Variants in TAFA1 observed in about 807,000 individuals in gnomAD.
TAFA1 encodes the protein TAFA chemokine like family member 1, also known as chemokine-like protein TAFA-1.
Under a neutral mutation model 18.5 loss-of-function variants are expected in TAFA1, and 4 were observed. The observed-to-expected ratio is 0.22, with a 90% CI of 0.11 to 0.49. The LOEUF is 0.49. Ranked by LOEUF, TAFA1 falls within the 20% of genes least tolerant of loss-of-function variation. TAFA1 has a pLI of 0.98. For missense variants in TAFA1, 147 were observed against 169.0 expected (o/e 0.87, Z 0.72); for synonymous variants, 56 against 55.2 (o/e 1.01, Z -0.06).
chr3:68,134,853 A>G (rs7610115), intron 2 of TAFA1, among the ~76,000 whole-genome samples: 12,160 of 152,288 alleles, frequency 0.08, 566 homozygotes, highest in Middle Eastern at 0.12. Context: ...ACAATATGTA[A>G]GTTTCTGTTG....
intron 2 of TAFA1, among the ~76,000 whole-genome samples, chr3:68,202,553 T>C (rs958575330): frequency 8.6e-5 from 13 of 151,778 alleles, no homozygotes; most frequent in Non-Finnish European, 1.9e-4. Flanking sequence ...TATTTAGTGG[T>C]TATACTTCTT....
chr3:68,047,947 G>C (rs2064411688), intron 2 of TAFA1, among the ~76,000 whole-genome samples: 1 of 152,086 alleles, frequency 6.6e-6, no homozygotes, highest in South Asian at 2.1e-4. Flanking sequence ...TTGGCCACAT[G>C]CTTGTAAGGG....
intron 2 of TAFA1, among the ~76,000 whole-genome samples, chr3:68,072,166 A>T (rs942726865): frequency 8.5e-5 from 13 of 152,192 alleles, no homozygotes; most frequent in African/African-American, 3.1e-4. Flanking sequence ...TGGAGGATGT[A>T]ATCCTTGAAC....
At chr3:68,185,126 A>G (rs542651519) in intron 2 of TAFA1, among the ~76,000 whole-genome samples, 1 of 152,110 alleles carries the variant, frequency 6.6e-6, no homozygotes, top group East Asian at 1.9e-4. Context: ...CTAAGTGGAG[A>G]TGTGTAGCCA....
intron 2 of TAFA1, among the ~76,000 whole-genome samples, chr3:68,092,933 A>G (rs1261627095): frequency 6.6e-6 from 1 of 152,050 alleles, no homozygotes; most frequent in Non-Finnish European, 1.5e-5. Context: ...GCTGGGAAAA[A>G]CTTAATTTTA....
intron 2 of TAFA1, among the ~76,000 whole-genome samples, chr3:68,246,440 A>G (rs1405966013): frequency 6.6e-6 from 1 of 151,550 alleles, no homozygotes; most frequent in East Asian, 1.9e-4. Context: ...AATACAAAAA[A>G]TTAGCCGGGC....
chr3:68,005,961 T>C (rs1189243819), intron 1 of TAFA1, among the ~76,000 whole-genome samples: 1 of 152,168 alleles, frequency 6.6e-6, no homozygotes, highest in African/African-American at 2.4e-5. Flanking sequence ...CAACAAAAGC[T>C]ACAATGGAAT....
At chr3:68,478,835 A>G (rs1393243124) in intron 3 of TAFA1, among the ~76,000 whole-genome samples, 2 of 151,670 alleles carry the variant, frequency 1.3e-5, no homozygotes, top group Non-Finnish European at 2.9e-5. Context: ...ATTATTAAAG[A>G]CTCCAAAAAT....
chr3:68,505,324 C>G (rs1200718952), intron 3 of TAFA1, among the ~76,000 whole-genome samples: 1 of 152,158 alleles, frequency 6.6e-6, no homozygotes, highest in African/African-American at 2.4e-5. Flanking sequence ...TTCTCTTACA[C>G]TCACTGGCAT....
At chr3:68,081,914 C>T (rs76277866) in intron 2 of TAFA1, among the ~76,000 whole-genome samples, 5,983 of 152,280 alleles carry the variant, frequency 0.039, 175 homozygotes, top group East Asian at 0.1. Context: ...CTCCCAGCCT[C>T]GCTGCCACCT....
chr3:68,198,590 TA>T (rs900388233), intron 2 of TAFA1, among the ~76,000 whole-genome samples: 25 of 146,650 alleles, frequency 1.7e-4, no homozygotes, highest in African/African-American at 2.4e-4. Context: ...TAGTAATATC[TA>T]ATTTTTTTTT....
intron 2 of TAFA1, among the ~76,000 whole-genome samples, chr3:68,406,545 A>C (rs2070613621): frequency 6.6e-6 from 1 of 152,178 alleles, no homozygotes; most frequent in Non-Finnish European, 1.5e-5. Context: ...ATTGACATCC[A>C]GGGTGAATGC....
At chr3:68,144,131 C>T (rs73834851) in intron 2 of TAFA1, among the ~76,000 whole-genome samples, 4,493 of 152,138 alleles carry the variant, frequency 0.03, 227 homozygotes, top group African/African-American at 0.1. Context: ...GGTACCAGGA[C>T]CGACCATTTG....
At position 68,387,664 on chromosome 3, in the gene TAFA1, G is replaced by A. The variant is rs564200194; in HGVS notation, c.119-29616G>A. ...GATTTTCTGTTTCCTTTAGTGAGTC[G>A]TTTTTCTGCTTTCACTCAGGACATA... On this transcript the variant is annotated intron_variant, in intron 2 of 4. Coordinates refer to ENST00000478136, the MANE Select transcript of TAFA1 (RefSeq NM_213609.4). Among the ~76,000 whole-genome samples, 30 of 152,120 alleles carry A rather than the reference G, an allele frequency of 2.0e-4. 2 individuals carry two copies. The highest frequency in any genetic ancestry group is 4.6e-4 in the African/African-American group (19 of 41,534).
Position 68,086,846 on chromosome 3 carries a change from C to G in TAFA1, c.118+80102C>G, listed in dbSNP as rs1265921009. ...ATAACAAAAGACTTTAGGTAGTGTT[C>G]TCTTAAATCATTTACAAAAAGAATC... is the stretch of plus-strand genomic sequence containing the variant. On this transcript the variant is annotated intron_variant, in intron 2 of 4. Coordinates refer to ENST00000478136, the MANE Select transcript of TAFA1 (RefSeq NM_213609.4). 5.3e-5 allele frequency among the ~76,000 whole-genome samples: 8 copies of G among 152,124 alleles called. 1 individual carries two copies. Among genetic ancestry groups the G allele is most frequent in the Non-Finnish European group, 1.5e-5 (1 of 68,022 alleles).
intron 2 of TAFA1, among the ~76,000 whole-genome samples, chr3:68,284,536 G>T (rs76163100): frequency 6.6e-6 from 1 of 152,082 alleles, no homozygotes; most frequent in Non-Finnish European, 1.5e-5. Flanking sequence ...AGCTTTCTTC[G>T]CAGTAGCCAA....
chr3:68,001,432 C>T (rs559335966), upstream of TAFA1, among the ~76,000 whole-genome samples: 28 of 152,220 alleles, frequency 1.8e-4, no homozygotes, highest in Admixed American at 5.2e-4. Context: ...TTCTGCCTTA[C>T]GGATCCAGAT....
chr3:68,427,058 G>A (rs966634462), intron 3 of TAFA1, among the ~76,000 whole-genome samples: 1 of 151,754 alleles, frequency 6.6e-6, no homozygotes, highest in Non-Finnish European at 1.5e-5. Context: ...ATGTGTGTGA[G>A]AGAGAGAGAT....
intron 2 of TAFA1, among the ~76,000 whole-genome samples, chr3:68,114,581 TAA>T (rs2065302755): frequency 6.6e-6 from 1 of 152,200 alleles, no homozygotes; most frequent in Non-Finnish European, 1.5e-5. Context: ...TACCAAGTGC[TAA>T]AAACGATATG....
Sources: gnomAD v4.1 joint callset for allele counts (sites outside exome capture counted in the v4.1 genomes callset) on GRCh38, gnomAD v4.1.1 for gene constraint, MANE v1.5 for transcripts, NCBI Gene and HGNC (gene_info 2026-07-23, HGNC 2026-07-21) for gene names.